The following TNS1 variants were observed in gnomAD, a reference collection of about 807,000 sequenced individuals.
TNS1 encodes the protein tensin-1.
A neutral mutation model predicts 168.6 loss-of-function variants in TNS1; 62 were observed. The ratio of observed to expected loss-of-function variants is 0.37; its 90% confidence interval spans 0.30 to 0.45. The LOEUF is 0.45. TNS1 is among the 20% of genes least tolerant of loss of function. TNS1 has a pLI of 1.00. For missense variants in TNS1, 2,240 were observed against 2,339.4 expected (o/e 0.96, Z 0.88); for synonymous variants, 934 against 933.2 (o/e 1.00, Z -0.02).
rs111701085 is a variant in TNS1 at position 217,893,385 on chromosome 2, C to T, written c.717+54G>A. The T allele has an allele frequency of 8.9e-5, 135 of 1,520,548 alleles. No individual in the cohort carries two copies. In the Admixed American group the frequency reaches 1.1e-3, roughly 12 times the overall value. The allele number at this position is 1,520,548 out of a possible 1,614,324, so 94.2% of individuals were successfully genotyped here. On this transcript the variant is annotated intron_variant, in intron 10 of 32. Coordinates refer to ENST00000682258, the MANE Select transcript of TNS1 (RefSeq NM_001387777.1). ...ACACATTCAGGCACACACACATGTG[C>T]GCATGTGCGCGCGCGCACACACACA... is the stretch of plus-strand genomic sequence containing the variant.
chr2:218,018,402 AAC>A (rs774509317), intron 1 of TNS1, among the ~76,000 whole-genome samples: 231 of 152,366 alleles, frequency 1.5e-3, no homozygotes, highest in Non-Finnish European at 2.8e-3. Context: ...TTAGCAAGAA[AAC>A]AGGCTGGCCC....
At position 217,848,894 on chromosome 2, in the gene TNS1, G is replaced by A. The variant is rs1209167011; in HGVS notation, c.1623C>T (p.Asp541=). The A allele has an allele frequency of 6.8e-6, 11 of 1,614,044 alleles. No homozygotes were observed. Among genetic ancestry groups the A allele is most frequent in the Middle Eastern group, 1.6e-4 (1 of 6,084 alleles). The change falls in exon 19 of 33, where the codon GAC becomes GAT. Residue 541 remains aspartate (D), a synonymous_variant. Coordinates refer to ENST00000682258, the MANE Select transcript of TNS1 (RefSeq NM_001387777.1). ...SGNSTASTKT[D]KTDEPVPGAS... is the part of the protein sequence containing the mutation. ...CCCCGGGGACAGGCTCGTCGGTCTTGTCGGTCTTGGTGGAGGCTGTGGAGT... is the reference window on the plus strand; with the variant it reads ...CCCCGGGGACAGGCTCGTCGGTCTTATCGGTCTTGGTGGAGGCTGTGGAGT...
rs1453268191 is a variant in TNS1, at chr2:217,802,791, C to A, written c.*1668G>T. On this transcript the variant is annotated 3_prime_UTR_variant, in exon 33 of 33. Coordinates refer to ENST00000682258, the MANE Select transcript of TNS1 (RefSeq NM_001387777.1). Reference sequence around the variant, plus strand: ...GTCAATTTACCTATTCTTTTTTTAACCTTTTCTTACATTTTATTAGCTTAC... The same window carrying A: ...GTCAATTTACCTATTCTTTTTTTAAACTTTTCTTACATTTTATTAGCTTAC... 1 of 152,562 alleles carries A rather than the reference C, an allele frequency of 6.6e-6. No homozygotes were observed. The highest frequency in any genetic ancestry group is 2.4e-5 in the African/African-American group (1 of 41,420). 9.5% of individuals were successfully genotyped at this position (152,562 alleles called of 1,614,324 possible).
Position 218,019,923 on chromosome 2 carries a change from C to T in TNS1, c.156+13897G>A, listed in dbSNP as rs1468770361. ...GAAGAGAGTCCAGAGTAGCTATCCC[C>T]CTGCCCGCTCCCCCACTCCCCGGCT... On this transcript the variant is annotated intron_variant, in intron 1 of 1. Transcript: ENST00000649572. 5.9e-5 allele frequency among the ~76,000 whole-genome samples: 9 copies of T among 152,086 alleles called. No homozygotes were observed. The East Asian group carries it at 1.7e-3, about 29-fold the overall frequency.
rs754559994 is a variant in TNS1 at position 217,812,438 on chromosome 2, C to T, written c.4962G>A (p.Leu1654=). The part of the protein sequence containing the change: ...GCPNEPNFGS[L]SALVYQHSII... ...TGGAGTGCTGGTAGACCAGGGCAGA[C>T]AGCGATCCTGTAGGGAGGCAGACGG... The change falls in exon 28 of 33, where the codon CTG becomes CTA. Residue 1654 remains leucine, a synonymous_variant. Coordinates refer to ENST00000682258, the MANE Select transcript of TNS1 (RefSeq NM_001387777.1). 10 of 1,614,058 alleles carry T rather than the reference C, an allele frequency of 6.2e-6. No homozygotes were observed. In the South Asian group the frequency reaches 8.8e-5, roughly 14 times the overall value.
chr2:217,893,092 GAA>G, intron 10 of TNS1, 80 bp from the exon 11 acceptor site: 2 of 1,556,992 alleles, frequency 1.3e-6, no homozygotes, highest in Non-Finnish European at 1.8e-6. Flanking sequence ...AGCCTTGGTG[GAA>G]AAGAGTCAGG....
intron 1 of TNS1, among the ~76,000 whole-genome samples, chr2:217,999,547 C>T (rs1295633674): frequency 6.6e-6 from 1 of 152,202 alleles, no homozygotes; most frequent in Non-Finnish European, 1.5e-5. Context: ...GTGCCTCACA[C>T]ATTACTTTGC....
chr2:217,807,935 G>A (rs995839385), intron 32 of TNS1, 140 bp downstream of exon 32: 27 of 1,010,928 alleles, frequency 2.7e-5, no homozygotes, highest in African/African-American at 1.3e-4. Flanking sequence ...AGCTTCACTC[G>A]GAAGCTGAGT....
At chr2:217,811,797 T>G (rs910543532) in intron 28 of TNS1, among the ~76,000 whole-genome samples, 1 of 152,240 alleles carries the variant, frequency 6.6e-6, no homozygotes, top group Non-Finnish European at 1.5e-5. Flanking sequence ...TCATCCTGCA[T>G]GTCCTCATGC....
rs746086984 is a variant in TNS1 at position 217,961,258 on chromosome 2, C to CAG, written c.186+17506_186+17507insCT. 3.6e-4 allele frequency among the ~76,000 whole-genome samples: 51 copies of CAG among 139,934 alleles called. No individual in the cohort carries two copies. The East Asian group carries it at 4.4e-3, about 12-fold the overall frequency. The allele number at this position is 139,934 out of a possible 152,430, so 91.8% of individuals were successfully genotyped here. A position where few individuals can be genotyped will look rare whatever the true frequency, so the allele number is the denominator to read the frequency against. On this transcript the variant is annotated intron_variant, in intron 3 of 32. Transcript: ENST00000682258. ...TCTCACACACACACACACACACACACACAGAGAGAGAGAGAGAGAGAGGCT... is the reference window on the plus strand; with the variant it reads ...TCTCACACACACACACACACACACACAGACAGAGAGAGAGAGAGAGAGAGGCT...
chr2:217,935,558 A>C (rs547832810), intron 3 of TNS1, among the ~76,000 whole-genome samples: 1 of 152,256 alleles, frequency 6.6e-6, no homozygotes, highest in Admixed American at 6.5e-5. Context: ...AGAGGCAGCC[A>C]CATGTGTGGT....
chr2:217,917,039 C>T (rs573498482), intron 4 of TNS1, among the ~76,000 whole-genome samples: 35 of 152,342 alleles, frequency 2.3e-4, no homozygotes, highest in African/African-American at 7.2e-4. Context: ...TTGCCTCGCC[C>T]GCCCGTGAGG....
intron 22 of TNS1, among the ~76,000 whole-genome samples, chr2:217,825,636 C>T (rs900176757): frequency 6.6e-6 from 1 of 152,176 alleles, no homozygotes; most frequent in Non-Finnish European, 1.5e-5. Flanking sequence ...GCCACACCAC[C>T]CCGTCCTGTG....
intron 1 of TNS1, among the ~76,000 whole-genome samples, chr2:218,027,661 G>A (rs1275222533): frequency 2.0e-5 from 3 of 152,176 alleles, no homozygotes; most frequent in Non-Finnish European, 4.4e-5. Context: ...CCCAGAAGAG[G>A]TTGGGGTAGA....
intron 1 of TNS1, among the ~76,000 whole-genome samples, chr2:218,023,012 A>C (rs2106010798): frequency 6.6e-6 from 1 of 152,334 alleles, no homozygotes; most frequent in African/African-American, 2.4e-5. Context: ...CACTCCCCTC[A>C]CGTGGCCTCA....
intron 1 of TNS1, among the ~76,000 whole-genome samples, chr2:218,030,705 A>C (rs1485702503): frequency 6.6e-6 from 1 of 152,230 alleles, no homozygotes; most frequent in East Asian, 1.9e-4. Flanking sequence ...ACTCACTTCT[A>C]GTGTGACCTT....
chr2:217,858,340 C>T (rs1011175863), intron 18 of TNS1, among the ~76,000 whole-genome samples: 1 of 152,102 alleles, frequency 6.6e-6, no homozygotes, highest in African/African-American at 2.4e-5. Context: ...GCCACAGCCC[C>T]ACTCAGCCAC....
At chr2:217,836,583 G>A (rs1028434253) in intron 19 of TNS1, among the ~76,000 whole-genome samples, 6 of 152,164 alleles carry the variant, frequency 3.9e-5, no homozygotes, top group African/African-American at 1.4e-4. Context: ...AGTCTCCAAG[G>A]CAACTGCATC....
chr2:217,814,572 A>G (rs1941562698), intron 25 of TNS1, among the ~76,000 whole-genome samples: 1 of 152,118 alleles, frequency 6.6e-6, no homozygotes, highest in South Asian at 2.1e-4. Context: ...CCTATTCCCA[A>G]CTTTGTTCTC....
Sources: allele counts gnomAD v4.1 joint callset (sites outside exome capture counted in the v4.1 genomes callset), GRCh38; gene constraint gnomAD v4.1.1; transcripts MANE v1.5; gene names NCBI Gene and HGNC (gene_info 2026-07-23, HGNC 2026-07-21).